PTPRD: variants seen among roughly 807,000 people sequenced by gnomAD.
PTPRD encodes protein tyrosine phosphatase receptor type D.
In PTPRD, 34 loss-of-function variants were observed where a neutral mutation model predicts 214.5. That is an observed-to-expected ratio of 0.16 (90% CI 0.12 to 0.21). The LOEUF is 0.21. Ranked by LOEUF, PTPRD falls within the 10% of genes least tolerant of loss-of-function variation. The pLI is 1.00. For synonymous variants in PTPRD, 1,128 were observed against 845.7 expected, an observed-to-expected ratio of 1.33 and a Z score of -5.79; for missense variants, 2,545 against 2,398.7, an observed-to-expected ratio of 1.06 and a Z score of -1.27.
chr9:8,545,301 GATA>G (rs1370813040), intron 14 of PTPRD, among the ~76,000 whole-genome samples: 14 of 152,134 alleles, frequency 9.2e-5, no homozygotes. Context: ...ACCCATTTCT[GATA>G]ATTCAGTTTT....
intron 10 of PTPRD, among the ~76,000 whole-genome samples, chr9:9,167,385 A>G (rs1008438576): frequency 2.0e-5 from 3 of 151,726 alleles, no homozygotes; most frequent in Non-Finnish European, 4.4e-5. Context: ...TAATGATGAC[A>G]AAATAAGCAG....
intron 14 of PTPRD, among the ~76,000 whole-genome samples, chr9:8,532,970 C>G (rs762254779): frequency 6.6e-6 from 1 of 151,916 alleles, no homozygotes; most frequent in Non-Finnish European, 1.5e-5. Context: ...TATTAACAAC[C>G]CTGACCTACC....
intron 11 of PTPRD, among the ~76,000 whole-genome samples, chr9:8,919,931 C>A (rs146039386): frequency 7.8e-6 from 1 of 128,944 alleles, no homozygotes; most frequent in African/African-American, 2.5e-5. Context: ...CATGTGCATG[C>A]ATGTATGCAT....
chr9:8,836,232 A>C (rs2097419099), intron 11 of PTPRD, among the ~76,000 whole-genome samples: 1 of 152,178 alleles, frequency 6.6e-6, no homozygotes, highest in South Asian at 2.1e-4. Flanking sequence ...ATTCAGGCGT[A>C]AATACTGCTC....
At chr9:10,287,105 G>C (rs970509604) in intron 3 of PTPRD, among the ~76,000 whole-genome samples, 2 of 152,180 alleles carry the variant, frequency 1.3e-5, no homozygotes, top group African/African-American at 4.8e-5. Flanking sequence ...TAACTTACTG[G>C]TGAAGCCAAG....
At chr9:8,786,555 C>A (rs1197361764) in intron 11 of PTPRD, among the ~76,000 whole-genome samples, 1 of 151,840 alleles carries the variant, frequency 6.6e-6, no homozygotes, top group East Asian at 1.9e-4. Flanking sequence ...GCTGGGATTA[C>A]AGGCGCCCGC....
intron 5 of PTPRD, among the ~76,000 whole-genome samples, chr9:9,858,579 T>G (rs2062016646): frequency 6.6e-6 from 1 of 152,196 alleles, no homozygotes; most frequent in Non-Finnish European, 1.5e-5. Context: ...TGCACGCAGA[T>G]GACTCAGAAC....
At chr9:8,483,044 T>C (rs1021575704) in intron 30 of PTPRD, among the ~76,000 whole-genome samples, 1 of 152,234 alleles carries the variant, frequency 6.6e-6, no homozygotes, top group Admixed American at 6.5e-5. Context: ...CAGGAATCCA[T>C]CTTTTTTTAT....
Position 8,710,106 on chromosome 9 carries a change from C to T in PTPRD, c.64+23674G>A, listed in dbSNP as rs559484340. Among the ~76,000 whole-genome samples the T allele has an allele frequency of 4.1e-4, 62 of 152,262 alleles. 1 individual carries two copies. In the South Asian group the frequency reaches 0.012, roughly 31 times the overall value. ...TAATCTGCGTGAAGCAAGGTGCACG[C>T]ACATCCTAAGTGCCCAATAAATATT... On this transcript the variant is annotated intron_variant, in intron 12 of 45. Transcript: ENST00000381196.
intron 11 of PTPRD, chr9:8,857,665 C>T (rs1488102199): frequency 1.3e-5 from 2 of 158,590 alleles, no homozygotes; most frequent in African/African-American, 2.4e-5. Flanking sequence ...GGGCAGCCGC[C>T]GCCACCGCCT....
chr9:9,970,621 A>AT (rs1359158145), intron 4 of PTPRD, among the ~76,000 whole-genome samples: 1 of 152,088 alleles, frequency 6.6e-6, no homozygotes, highest in Non-Finnish European at 1.5e-5. Flanking sequence ...AAAGATTTGT[A>AT]TGGATCTGTC....
intron 10 of PTPRD, among the ~76,000 whole-genome samples, chr9:9,096,672 T>C (rs1484668260): frequency 6.6e-6 from 1 of 152,224 alleles, no homozygotes; most frequent in Non-Finnish European, 1.5e-5. Context: ...ACCCAGATGA[T>C]ATAGATACAG....
At chr9:10,253,020 G>A (rs1020760109) in intron 3 of PTPRD, among the ~76,000 whole-genome samples, 5 of 152,120 alleles carry the variant, frequency 3.3e-5, no homozygotes, top group African/African-American at 1.2e-4. Context: ...TTGACCTCAG[G>A]TGATCCGTCT....
intron 2 of PTPRD, among the ~76,000 whole-genome samples, chr9:10,399,015 C>T (rs891931133): frequency 2.6e-5 from 4 of 151,976 alleles, no homozygotes; most frequent in African/African-American, 9.7e-5. Context: ...TAATAAATGT[C>T]AGACTGATTT....
At chr9:9,884,488 A>T (rs532794599) in intron 5 of PTPRD, among the ~76,000 whole-genome samples, 150 of 152,194 alleles carry the variant, frequency 9.9e-4, no homozygotes, top group Non-Finnish European at 7.9e-4. Flanking sequence ...ACCAAACTAA[A>T]GCATGTGGCA....
intron 14 of PTPRD, among the ~76,000 whole-genome samples, chr9:8,547,860 C>T (rs2140499754): frequency 6.6e-6 from 1 of 152,232 alleles, no homozygotes; most frequent in East Asian, 1.9e-4. Context: ...ATTTAACAAA[C>T]ATTAAATAGC....
intron 3 of PTPRD, among the ~76,000 whole-genome samples, chr9:10,210,898 C>G (rs1013621646): frequency 8.2e-5 from 12 of 146,060 alleles, no homozygotes; most frequent in Admixed American, 2.8e-4. Flanking sequence ...TCCAGGTTTG[C>G]AAGTTCAGAG....
At chr9:9,382,350 T>C (rs868637498) in intron 9 of PTPRD, among the ~76,000 whole-genome samples, 26 of 152,070 alleles carry the variant, frequency 1.7e-4, no homozygotes, top group Admixed American at 2.6e-4. Context: ...GCAACAAAGC[T>C]TATGCACAGC....
chr9:8,845,899 C>G (rs904383497), intron 11 of PTPRD, among the ~76,000 whole-genome samples: 1 of 152,138 alleles, frequency 6.6e-6, no homozygotes, highest in Non-Finnish European at 1.5e-5. Context: ...AACAGATTGG[C>G]AAGTATAAAA....
Sources: gnomAD v4.1 joint callset for allele counts (sites outside exome capture counted in the v4.1 genomes callset) on GRCh38, gnomAD v4.1.1 for gene constraint, MANE v1.5 for transcripts, NCBI Gene and HGNC (gene_info 2026-07-23, HGNC 2026-07-21) for gene names.